Variants in KCNQ1 observed in about 807,000 individuals in gnomAD.
The protein encoded by KCNQ1 is potassium voltage-gated channel subfamily Q member 1.
Under a neutral mutation model 72.4 loss-of-function variants are expected in KCNQ1, and 49 were observed. The observed-to-expected ratio is 0.68, with a 90% CI of 0.54 to 0.86. The LOEUF (loss-of-function observed/expected upper bound fraction) is 0.86. Among genes scored for constraint, KCNQ1 ranks in the 40% least tolerant of loss-of-function variants. KCNQ1 has a pLI of 0.00. For missense variants in KCNQ1, 790 were observed against 945.1 expected (o/e 0.84, Z 2.15); for synonymous variants, 450 against 412.6 (o/e 1.09, Z -1.10).
In KCNQ1 at chr11:2,676,031, C is replaced by T. The variant is rs958350563; in HGVS notation, c.1514+13950C>T. 7 of 398,532 alleles carry T rather than the reference C, an allele frequency of 1.8e-5. No individual in the cohort carries two copies. Among genetic ancestry groups the T allele is most frequent in the African/African-American group, 1.0e-4 (5 of 48,640 alleles). 24.7% of individuals were successfully genotyped at this position (398,532 alleles called of 1,614,324 possible). On this transcript the variant is annotated intron_variant, in intron 11 of 15. Transcript: ENST00000155840. This position sits in a 1 kb window ranked among gnomAD's most constrained non-coding sequence, Gnocchi z 4.2. ...GTTTCCTTCCCTAAAGGTTACCACT[C>T]AACACTTTCCTATTGCATCTTTCCA...
rs1469321847 is a variant in KCNQ1, at chr11:2,498,413, C to G, written c.387-29515C>G. 6.6e-6 allele frequency among the ~76,000 whole-genome samples: 1 copy of G among 152,222 alleles called. No homozygotes were observed. Among genetic ancestry groups the G allele is most frequent in the African/African-American group, 2.4e-5 (1 of 41,456 alleles). ...GTGAGGAGGAATCTAGAGAAGCAGT[C>G]TGGCCTCAGCTGCTTTGCTGTGCTT... On this transcript the variant is annotated intron_variant, in intron 1 of 15. Coordinates refer to ENST00000155840, the MANE Select transcript of KCNQ1 (RefSeq NM_000218.3). The surrounding 1 kb of genome is among the most constrained non-coding windows in gnomAD (Gnocchi z 4.8).
intron 15 of KCNQ1, among the ~76,000 whole-genome samples, chr11:2,793,654 TA>T (rs1847076905): frequency 6.6e-6 from 1 of 152,046 alleles, no homozygotes; most frequent in African/African-American, 2.4e-5. Context: ...ATTTTTTTTT[TA>T]ACTGAGGCCC....
At position 2,711,506 on chromosome 11, in the gene KCNQ1, C is replaced by A. The variant is rs2133918383; in HGVS notation, c.1514+49425C>A. Among the ~76,000 whole-genome samples the A allele has an allele frequency of 6.6e-6, 1 of 152,300 alleles. No homozygotes were observed. Among genetic ancestry groups the A allele is most frequent in the South Asian group, 2.1e-4 (1 of 4,826 alleles). On this transcript the variant is annotated intron_variant, in intron 11 of 15. Coordinates refer to ENST00000155840, the MANE Select transcript of KCNQ1 (RefSeq NM_000218.3). The surrounding 1 kb of genome is among the most constrained non-coding windows in gnomAD (Gnocchi z 5.4). ...ATCTTATCCAAGTGCTCTGTGGCAG[C>A]TTGTGGAATCTTCTCAACCTTGGGT...
Position 2,554,093 on chromosome 11 carries a change from C to T in KCNQ1, c.478-16535C>T, listed in dbSNP as rs552386001. On this transcript the variant is annotated intron_variant, in intron 2 of 15. Coordinates refer to ENST00000155840, the MANE Select transcript of KCNQ1 (RefSeq NM_000218.3). ...TGTAGAACTTCCACGCCCACGCTCA[C>T]GAGGGCGTCACCTGCCATGTGTTGG... 5.6e-4 allele frequency among the ~76,000 whole-genome samples: 86 copies of T among 152,234 alleles called. 1 individual carries two copies. Among genetic ancestry groups the T allele is most frequent in the Admixed American group, 2.9e-3 (44 of 15,302 alleles).
intron 15 of KCNQ1, among the ~76,000 whole-genome samples, chr11:2,844,442 A>C (rs1210047063): frequency 1.3e-5 from 2 of 152,182 alleles, no homozygotes; most frequent in Non-Finnish European, 2.9e-5. Context: ...GCAGCAGTTG[A>C]GGTGAGCCTG....
chr11:2,733,384 C>T (rs561079236), intron 11 of KCNQ1, among the ~76,000 whole-genome samples: 1 of 152,276 alleles, frequency 6.6e-6, no homozygotes, highest in Non-Finnish European at 1.5e-5. Flanking sequence ...TCCCACAAAC[C>T]CTCAGTCTCC....
Position 2,468,915 on chromosome 11 carries a change from G to C in KCNQ1, c.386+23431G>C, listed in dbSNP as rs1194709451. ...TCTTGTGCAAGCAAGTGGTTGAACT[G>C]CTCTGCAGCCCGCTGGGAAGTGGAA... On this transcript the variant is annotated intron_variant, in intron 1 of 15. Transcript: ENST00000155840. This position sits in a 1 kb window ranked among gnomAD's most constrained non-coding sequence, Gnocchi z 5.7. Among the ~76,000 whole-genome samples, 1 of 152,220 alleles carries C rather than the reference G, an allele frequency of 6.6e-6. No homozygotes were observed. The highest frequency in any genetic ancestry group is 1.5e-5 in the Non-Finnish European group (1 of 68,034).
chr11:2,496,497 T>TTTTTTTTTTTA (rs1846922094), intron 1 of KCNQ1, among the ~76,000 whole-genome samples: 2 of 95,496 alleles, frequency 2.1e-5, no homozygotes, highest in African/African-American at 9.2e-5. Flanking sequence ...AACCCCTGCT[T>TTTTTTTTTTTA]TTTTTTTTTT....
intron 1 of KCNQ1, 129 bp from the exon 2 acceptor site, chr11:2,527,799 C>T (rs149361991): frequency 3.3e-5 from 26 of 777,726 alleles, no homozygotes; most frequent in South Asian, 2.0e-4. Flanking sequence ...TAATGGATGA[C>T]TGGGTTTTCG....
Position 2,772,175 on chromosome 11 carries a change from T to C in KCNQ1, c.1590+3256T>C, listed in dbSNP as rs1413815617. On this transcript the variant is annotated intron_variant, in intron 12 of 15. Coordinates refer to ENST00000155840, the MANE Select transcript of KCNQ1 (RefSeq NM_000218.3). The surrounding 1 kb of genome is among the most constrained non-coding windows in gnomAD (Gnocchi z 6.6). ...CTGTGTGTGGCTCCAGGGGCTCCCC[T>C]AGCCCACCTCTCAGGATGCTTCCCT... 6.6e-6 allele frequency among the ~76,000 whole-genome samples: 1 copy of C among 151,980 alleles called. No individual in the cohort carries two copies. Among genetic ancestry groups the C allele is most frequent in the African/African-American group, 2.4e-5 (1 of 41,376 alleles).
intron 15 of KCNQ1, among the ~76,000 whole-genome samples, chr11:2,794,461 T>G (rs1847091216): frequency 6.7e-6 from 1 of 150,148 alleles, no homozygotes; most frequent in African/African-American, 2.5e-5. Flanking sequence ...GATGGGGGAG[T>G]GAGAGAGATG....
chr11:2,749,641 C>CAAAAAAAAAA (rs35701102), intron 11 of KCNQ1, among the ~76,000 whole-genome samples: 39 of 86,626 alleles, frequency 4.5e-4, no homozygotes, highest in Non-Finnish European at 6.2e-4. Context: ...ACTAAAAATA[C>CAAAAAAAAAA]AAAAAAAAAA....
chr11:2,570,764 G>A lies in KCNQ1; in HGVS notation c.604+10G>A. The A allele has an allele frequency of 6.2e-7, 1 of 1,609,732 alleles. No homozygotes were observed. Among genetic ancestry groups the A allele is most frequent in the Non-Finnish European group, 8.5e-7 (1 of 1,179,950 alleles). Reference sequence around the variant, plus strand: ...CCCATTTCCATCATCGGTGAGTCATGCCTGCCCTGTGGAGGTCACGCCCAG... The same window carrying A: ...CCCATTTCCATCATCGGTGAGTCATACCTGCCCTGTGGAGGTCACGCCCAG... On this transcript the variant is annotated intron_variant, in intron 3 of 15. Transcript: ENST00000155840.
chr11:2,681,365 A>T, intron 11 of KCNQ1: 1 of 398,214 alleles, frequency 2.5e-6, no homozygotes, highest in East Asian at 3.6e-5. Context: ...TGCTCACTCC[A>T]TGTGGAGGAT....
chr11:2,509,927 TC>T lies in KCNQ1; in HGVS notation c.387-18000del, dbSNP rs1847168603. On this transcript the variant is annotated intron_variant, in intron 1 of 15. Transcript: ENST00000155840. The surrounding 1 kb of genome is among the most constrained non-coding windows in gnomAD (Gnocchi z 6.3). Reference sequence around the variant, plus strand: ...GAACAGACCCACTGCCAGGGCTGCCTCTCTCTTTAGATATGTCCTGGCATCT... The same window carrying T: ...GAACAGACCCACTGCCAGGGCTGCCTTCTCTTTAGATATGTCCTGGCATCT... Among the ~76,000 whole-genome samples the T allele has an allele frequency of 1.3e-5, 2 of 152,090 alleles. No individual in the cohort carries two copies. The highest frequency in any genetic ancestry group is 4.8e-5 in the African/African-American group (2 of 41,426).
In KCNQ1 at chr11:2,599,911, A is replaced by T. The variant is rs148578920; in HGVS notation, c.1393+11057A>T. 6.6e-6 allele frequency among the ~76,000 whole-genome samples: 1 copy of T among 152,344 alleles called. No homozygotes were observed. Among genetic ancestry groups the T allele is most frequent in the East Asian group, 1.9e-4 (1 of 5,196 alleles). On this transcript the variant is annotated intron_variant, in intron 10 of 15. Transcript: ENST00000155840. This position sits in a 1 kb window ranked among gnomAD's most constrained non-coding sequence, Gnocchi z 4.7. ...CGAGGTATTAAAGACCAGGGCTTCA[A>T]CTGCAAACCTTGTGGGACACAATTC... is the stretch of plus-strand genomic sequence containing the variant.
At position 2,540,477 on chromosome 11, in the gene KCNQ1, G is replaced by A. The variant is rs558251684; in HGVS notation, c.477+12459G>A. Among the ~76,000 whole-genome samples, 14 of 152,308 alleles carry A rather than the reference G, an allele frequency of 9.2e-5. No homozygotes were observed. The East Asian group carries it at 2.5e-3, about 27-fold the overall frequency. On this transcript the variant is annotated intron_variant, in intron 2 of 15. Coordinates refer to ENST00000155840, the MANE Select transcript of KCNQ1 (RefSeq NM_000218.3). ...CTTCCCACGAGATTTTCTTTCTCCCGGGTATAAAACTGGCCAACGGGATGC... is the reference window on the plus strand; with the variant it reads ...CTTCCCACGAGATTTTCTTTCTCCCAGGTATAAAACTGGCCAACGGGATGC...
In KCNQ1 at chr11:2,559,332, G is replaced by A. The variant is rs192418580; in HGVS notation, c.478-11296G>A. 1.2e-4 allele frequency among the ~76,000 whole-genome samples: 19 copies of A among 152,298 alleles called. No homozygotes were observed. Among genetic ancestry groups the A allele is most frequent in the East Asian group, 7.8e-4 (4 of 5,160 alleles). On this transcript the variant is annotated intron_variant, in intron 2 of 15. Transcript: ENST00000155840. The surrounding 1 kb of genome is among the most constrained non-coding windows in gnomAD (Gnocchi z 4.9). ...GGCTCCCCTTAGGCCAGGGGTAGAC[G>A]CAGGCACAGGGAGGATCAGGAAAGC...
At position 2,704,536 on chromosome 11, in the gene KCNQ1, T is replaced by C. The variant is rs1322546143; in HGVS notation, c.1514+42455T>C. On this transcript the variant is annotated intron_variant, in intron 11 of 15. Transcript: ENST00000155840. This position sits in a 1 kb window ranked among gnomAD's most constrained non-coding sequence, Gnocchi z 4.3. ...CAGAGGGGAGGCACAGTGGGGAGTCTCTAGGAGGTTTTGGGCAAGGCAGTG... is the reference window on the plus strand; with the variant it reads ...CAGAGGGGAGGCACAGTGGGGAGTCCCTAGGAGGTTTTGGGCAAGGCAGTG... Among the ~76,000 whole-genome samples, 2 of 152,140 alleles carry C rather than the reference T, an allele frequency of 1.3e-5. No individual in the cohort carries two copies. The highest frequency in any genetic ancestry group is 4.8e-5 in the African/African-American group (2 of 41,416).
Sources: allele counts gnomAD v4.1 joint callset (sites outside exome capture counted in the v4.1 genomes callset), GRCh38; gene constraint gnomAD v4.1.1; non-coding constraint Gnocchi (gnomAD v3.1); transcripts MANE v1.5; gene names NCBI Gene and HGNC (gene_info 2026-07-23, HGNC 2026-07-21).